The following RALYL variants were observed in gnomAD, a reference collection of about 807,000 sequenced individuals.
RALYL encodes RNA-binding Raly-like protein.
Under a neutral mutation model 35.1 loss-of-function variants are expected in RALYL, and 29 were observed. The observed-to-expected ratio is 0.83, with a 90% CI of 0.61 to 1.13. RALYL has a LOEUF of 1.13. Among genes scored for constraint, RALYL ranks in the 50% most tolerant of loss-of-function variants. RALYL has a pLI of 0.00. For synonymous variants in RALYL, 120 were observed against 127.6 expected (o/e 0.94, Z 0.40); for missense variants, 359 against 360.4 (o/e 1.00, Z 0.03).
intron 1 of RALYL, among the ~76,000 whole-genome samples, chr8:84,389,155 A>T (rs1049942641): frequency 9.9e-5 from 15 of 152,008 alleles, no homozygotes; most frequent in Non-Finnish European, 7.4e-5. Flanking sequence ...ATAGTTGTAG[A>T]TATACGGCGT....
intron 1 of RALYL, among the ~76,000 whole-genome samples, chr8:84,239,171 C>G (rs554319228): frequency 1.3e-5 from 2 of 152,270 alleles, no homozygotes; most frequent in African/African-American, 2.4e-5. Flanking sequence ...AGTAGGTATA[C>G]AGAAAATGCC....
intron 1 of RALYL, among the ~76,000 whole-genome samples, chr8:84,243,499 C>CA (rs1317326895): frequency 8.7e-5 from 11 of 126,474 alleles, no homozygotes; most frequent in African/African-American, 3.1e-4. Flanking sequence ...TTCTCTCTCA[C>CA]ACTTTTTTTT....
chr8:84,800,907 T>G (rs1391234091), intron 3 of RALYL, among the ~76,000 whole-genome samples: 1 of 152,152 alleles, frequency 6.6e-6, no homozygotes, highest in Non-Finnish European at 1.5e-5. Flanking sequence ...GTCGTGACCA[T>G]CAGGATCCAC....
intron 1 of RALYL, among the ~76,000 whole-genome samples, chr8:84,292,130 T>G (rs1403655052): frequency 6.6e-6 from 1 of 151,876 alleles, no homozygotes; most frequent in East Asian, 1.9e-4. Context: ...GAGAAACAAA[T>G]AAGAAGAAGA....
Position 84,823,691 on chromosome 8 carries a change from C to G in RALYL, c.365+18889C>G, listed in dbSNP as rs867608308. The stretch of plus-strand genomic sequence containing the variant: ...CTCCTTGACACCTCTTTATTTTCCT[C>G]TCACTCTCCTTCTTTTCTTCTCTCT... On this transcript the variant is annotated intron_variant, in intron 4 of 8. Coordinates refer to ENST00000521268, the MANE Select transcript of RALYL (RefSeq NM_173848.7). 8.5e-5 allele frequency among the ~76,000 whole-genome samples: 13 copies of G among 152,048 alleles called. 1 individual carries two copies. Among genetic ancestry groups the G allele is most frequent in the Admixed American group, 8.5e-4 (13 of 15,244 alleles).
At chr8:84,817,919 G>A (rs1487256575) in intron 4 of RALYL, among the ~76,000 whole-genome samples, 2 of 152,118 alleles carry the variant, frequency 1.3e-5, no homozygotes, top group Admixed American at 6.6e-5. Context: ...TCGTAAACAG[G>A]AAATAAATAT....
intron 1 of RALYL, among the ~76,000 whole-genome samples, chr8:84,272,029 T>C (rs1834400902): frequency 3.3e-5 from 5 of 152,210 alleles, no homozygotes; most frequent in Admixed American, 3.3e-4. Context: ...AATGAGATTC[T>C]AAGATTATTT....
At chr8:84,660,582 G>T (rs1830711965) in intron 2 of RALYL, among the ~76,000 whole-genome samples, 1 of 151,388 alleles carries the variant, frequency 6.6e-6, no homozygotes, top group Non-Finnish European at 1.5e-5. Flanking sequence ...CATAGATTGT[G>T]GTTTTTCATG....
At chr8:84,846,393 G>T (rs1242249446) in intron 4 of RALYL, among the ~76,000 whole-genome samples, 1 of 152,048 alleles carries the variant, frequency 6.6e-6, no homozygotes, top group Non-Finnish European at 1.5e-5. Flanking sequence ...ATTTTTGTTT[G>T]TGGCTATTGT....
At chr8:84,349,354 TC>T (rs2131034807) in intron 1 of RALYL, among the ~76,000 whole-genome samples, 1 of 150,582 alleles carries the variant, frequency 6.6e-6, no homozygotes, top group African/African-American at 2.5e-5. Flanking sequence ...CATGAGTACT[TC>T]ACGTAGATTA....
At chr8:84,766,923 A>G (rs1441975770) in intron 2 of RALYL, among the ~76,000 whole-genome samples, 3 of 152,090 alleles carry the variant, frequency 2.0e-5, no homozygotes, top group African/African-American at 4.8e-5. Context: ...TGAAGGGCAT[A>G]AGAAACTGAG....
At chr8:84,529,169 C>A (rs188544285) in intron 1 of RALYL, 130 bp from the exon 2 acceptor site, 1,646 of 855,828 alleles carry the variant, frequency 1.9e-3, no homozygotes, top group Non-Finnish European at 2.4e-3. Context: ...TCAAGAAAAT[C>A]ATTAATACTT....
At chr8:84,367,318 A>ATTTGTTTTTGTTTTTT (rs756622990) in intron 1 of RALYL, among the ~76,000 whole-genome samples, 3 of 27,400 alleles carry the variant, frequency 1.1e-4, no homozygotes, top group Non-Finnish European at 3.0e-4. Context: ...TAATTTTTGT[A>ATTTGTTTTTGTTTTTT]TTTTTTTTTT....
At chr8:84,830,479 C>A (rs191096292) in intron 4 of RALYL, among the ~76,000 whole-genome samples, 4 of 152,112 alleles carry the variant, frequency 2.6e-5, no homozygotes, top group Non-Finnish European at 1.5e-5. Flanking sequence ...GTAACAGACC[C>A]AAAGAGAACC....
chr8:84,388,783 T>G (rs373455528), intron 1 of RALYL, among the ~76,000 whole-genome samples: 5,251 of 152,118 alleles, frequency 0.035, 123 homozygotes, highest in East Asian at 0.13. Flanking sequence ...TTTCTCCCAT[T>G]TTGTGGGTTG....
intron 6 of RALYL, among the ~76,000 whole-genome samples, chr8:84,865,730 C>A (rs536862291): frequency 2.6e-5 from 4 of 152,066 alleles, no homozygotes; most frequent in Non-Finnish European, 5.9e-5. Context: ...AAAAAAAATT[C>A]GATCAAGTCA....
At chr8:84,535,644 T>TA (rs1554711588) in intron 2 of RALYL, among the ~76,000 whole-genome samples, 8 of 144,576 alleles carry the variant, frequency 5.5e-5, no homozygotes, top group East Asian at 2.1e-4. Context: ...TATTTTATTT[T>TA]TTGTATTTTT....
At chr8:84,710,064 A>C (rs778012733) in intron 2 of RALYL, among the ~76,000 whole-genome samples, 7 of 152,006 alleles carry the variant, frequency 4.6e-5, no homozygotes, top group African/African-American at 9.7e-5. Context: ...CCATCTCAAA[A>C]AAACAAACAA....
At chr8:84,573,618 A>G (rs965759346) in intron 2 of RALYL, among the ~76,000 whole-genome samples, 1 of 151,754 alleles carries the variant, frequency 6.6e-6, no homozygotes, top group Non-Finnish European at 1.5e-5. Flanking sequence ...TTTTTTAAGC[A>G]CTTATTTTTC....
Sources: allele counts gnomAD v4.1 joint callset (sites outside exome capture counted in the v4.1 genomes callset), GRCh38; gene constraint gnomAD v4.1.1; transcripts MANE v1.5; gene names NCBI Gene and HGNC (gene_info 2026-07-23, HGNC 2026-07-21).